Variants in BAZ1A observed in about 807,000 individuals in gnomAD.
The protein encoded by BAZ1A is bromodomain adjacent to zinc finger domain 1A.
Under a neutral mutation model 185.2 loss-of-function variants are expected in BAZ1A, and 50 were observed. The observed-to-expected ratio is 0.27, with a 90% CI of 0.22 to 0.34. The LOEUF is 0.34. Among genes scored for constraint, BAZ1A ranks in the 10% least tolerant of loss-of-function variants. The pLI, the probability that BAZ1A is intolerant of heterozygous loss-of-function variation, is 1.00. For synonymous variants in BAZ1A, 571 were observed against 615.6 expected (o/e 0.93, Z 1.07); for missense variants, 1,356 against 1,839.9 (o/e 0.74, Z 4.81).
chr14:34,830,680 A>T (rs1346892539), intron 3 of BAZ1A, among the ~76,000 whole-genome samples: 1 of 151,916 alleles, frequency 6.6e-6, no homozygotes, highest in Non-Finnish European at 1.5e-5. Flanking sequence ...TAAAGTCATT[A>T]AAAAAAGAGT....
At position 34,753,443 on chromosome 14, in the gene BAZ1A, G is replaced by T; in HGVS notation, c.*65C>A. ...CAATTGTTATTGCTTTATACAGCAT[G>T]ATTTAATGTTCCATTTTCATGAACA... On this transcript the variant is annotated 3_prime_UTR_variant, in exon 27 of 27. Transcript: ENST00000360310. 6.6e-7 allele frequency: 1 copy of T among 1,520,888 alleles called. No homozygotes were observed. The highest frequency in any genetic ancestry group is 9.1e-7 in the Non-Finnish European group (1 of 1,103,368). 94.2% of individuals were successfully genotyped at this position (1,520,888 alleles called of 1,614,324 possible). A position where few individuals can be genotyped will look rare whatever the true frequency, so the allele number is the denominator to read the frequency against.
chr14:34,754,782 A>G (rs1252674910), intron 26 of BAZ1A, 45 bp downstream of exon 26: 3 of 1,364,146 alleles, frequency 2.2e-6, no homozygotes, highest in Non-Finnish European at 3.0e-6. Flanking sequence ...CTATAACAAA[A>G]TGCCTTAGAA....
intron 12 of BAZ1A, 47 bp downstream of exon 12, chr14:34,792,728 G>A (rs569569813): frequency 6.7e-5 from 106 of 1,584,740 alleles, no homozygotes; most frequent in East Asian, 5.0e-4. Context: ...AATTAGTTTC[G>A]CTACAAAACT....
At chr14:34,855,844 A>T (rs1175310255) in intron 3 of BAZ1A, among the ~76,000 whole-genome samples, 1 of 152,194 alleles carries the variant, frequency 6.6e-6, no homozygotes, top group African/African-American at 2.4e-5. Context: ...TCAAGGCTGC[A>T]GTGAGCCGTG....
intron 16 of BAZ1A, among the ~76,000 whole-genome samples, chr14:34,781,529 T>C (rs1190087333): frequency 6.7e-4 from 7 of 10,440 alleles, no homozygotes; most frequent in African/African-American, 1.2e-3. Context: ...ACTAGCTGCT[T>C]TTTTTTTTTT....
chr14:34,863,152 C>CATTTT (rs1566603150), intron 2 of BAZ1A, among the ~76,000 whole-genome samples: 1 of 44,690 alleles, frequency 2.2e-5, no homozygotes, highest in South Asian at 6.8e-4. Flanking sequence ...CCACGCTCGG[C>CATTTT]TTTTTTTTTT....
At chr14:34,774,705 G>C (rs1234186031) in intron 18 of BAZ1A, among the ~76,000 whole-genome samples, 1 of 152,158 alleles carries the variant, frequency 6.6e-6, no homozygotes, top group Admixed American at 6.5e-5. Flanking sequence ...GAGCCCAGGA[G>C]TTTGAATCTG....
At chr14:34,792,669 T>G in intron 12 of BAZ1A, 106 bp downstream of exon 12, 1 of 1,289,508 alleles carries the variant, frequency 7.8e-7, no homozygotes, top group Non-Finnish European at 1.1e-6. Context: ...CCTGAACAAC[T>G]ATATTTTATA....
At chr14:34,795,014 G>A (rs1052972122) in intron 10 of BAZ1A, 127 bp from the exon 11 acceptor site, 2 of 1,258,058 alleles carry the variant, frequency 1.6e-6, no homozygotes, top group Admixed American at 2.9e-5. Flanking sequence ...CTCAACCCTT[G>A]CTGTTTATCA....
chr14:34,757,455 A>T (rs1261214409), intron 25 of BAZ1A, among the ~76,000 whole-genome samples: 1 of 150,742 alleles, frequency 6.6e-6, no homozygotes, highest in African/African-American at 2.4e-5. Context: ...ACCTGAGGTC[A>T]GGAGTTCGAG....
At chr14:34,817,941 A>G (rs2042031460) in intron 4 of BAZ1A, among the ~76,000 whole-genome samples, 1 of 152,188 alleles carries the variant, frequency 6.6e-6, no homozygotes. Context: ...CAGTTCCTCA[A>G]AAAGTTAAGC....
Position 34,875,162 on chromosome 14 carries a change from G to T in BAZ1A, c.-83C>A, listed in dbSNP as rs1342748874. 2.4e-6 allele frequency: 1 copy of T among 421,296 alleles called. No individual in the cohort carries two copies. The highest frequency in any genetic ancestry group is 7.3e-5 in the East Asian group (1 of 13,740). The allele number at this position is 421,296 out of a possible 1,614,324, so 26.1% of individuals were successfully genotyped here. A position where few individuals can be genotyped will look rare whatever the true frequency, so the allele number is the denominator to read the frequency against. On this transcript the variant is annotated 5_prime_UTR_variant, in exon 1 of 27. Coordinates refer to ENST00000360310, the MANE Select transcript of BAZ1A (RefSeq NM_013448.3). Reference sequence around the variant, plus strand: ...CCTGCGATCACGCCGACTGCCACTTGTCCACCTTCTCCACTACAAAGGCAA... The same window carrying T: ...CCTGCGATCACGCCGACTGCCACTTTTCCACCTTCTCCACTACAAAGGCAA...
At chr14:34,860,418 G>A (rs939413089) in intron 3 of BAZ1A, among the ~76,000 whole-genome samples, 5 of 151,002 alleles carry the variant, frequency 3.3e-5, no homozygotes, top group Admixed American at 1.3e-4. Flanking sequence ...TGAGGTGGGA[G>A]GATGGCTTAA....
At chr14:34,757,946 A>G (rs1244348313) in intron 25 of BAZ1A, among the ~76,000 whole-genome samples, 4 of 150,702 alleles carry the variant, frequency 2.7e-5, no homozygotes, top group African/African-American at 9.7e-5. Context: ...ATGGGGTTTC[A>G]CTGTGTTAGC....
At chr14:34,813,215 AACACACAC>A (rs71671684) in intron 4 of BAZ1A, among the ~76,000 whole-genome samples, 3 of 150,004 alleles carry the variant, frequency 2.0e-5, no homozygotes, top group Admixed American at 6.7e-5. Flanking sequence ...AAACCTACAA[AACACACAC>A]ACACACACAC....
In BAZ1A at chr14:34,844,746, T is replaced by C. The variant is rs147368146; in HGVS notation, c.392+17298A>G. ...ACATTCTAGCCTGGGCAACAGAGTG[T>C]GACCCTGTCTAAACACACACACACA... is the stretch of plus-strand genomic sequence containing the variant. On this transcript the variant is annotated intron_variant, in intron 3 of 26. Transcript: ENST00000360310. 5.7e-3 allele frequency among the ~76,000 whole-genome samples: 849 copies of C among 150,022 alleles called. 9 individuals carry two copies. Among genetic ancestry groups the C allele is most frequent in the African/African-American group, 0.02 (808 of 40,742 alleles).
At chr14:34,863,466 C>A (rs570132057) in intron 2 of BAZ1A, among the ~76,000 whole-genome samples, 9 of 151,634 alleles carry the variant, frequency 5.9e-5, no homozygotes, top group Non-Finnish European at 1.3e-4. Flanking sequence ...CCCGGCCATG[C>A]TCATCTAATT....
At chr14:34,844,777 GCACACACACACACA>G (rs4007479) in intron 3 of BAZ1A, among the ~76,000 whole-genome samples, 34 of 86,868 alleles carry the variant, frequency 3.9e-4, no homozygotes, top group East Asian at 1.3e-3. Context: ...ACACACACGC[GCACACACACACACA>G]CACACACACA....
chr14:34,774,630 A>G, intron 18 of BAZ1A, 140 bp from the exon 19 acceptor site: 1 of 687,392 alleles, frequency 1.5e-6, no homozygotes, highest in Non-Finnish European at 2.3e-6. Context: ...TGAATGAATG[A>G]ATGAATATCA....
Sources: gnomAD v4.1 joint callset for allele counts (sites outside exome capture counted in the v4.1 genomes callset) on GRCh38, gnomAD v4.1.1 for gene constraint, MANE v1.5 for transcripts, NCBI Gene and HGNC (gene_info 2026-07-23, HGNC 2026-07-21) for gene names.